Variants in RBM26 observed in about 807,000 individuals in gnomAD.
RBM26 encodes RNA binding motif protein 26, also known as RNA-binding protein 26.
In RBM26, 30 loss-of-function variants were observed where a neutral mutation model predicts 123.6. The observed-to-expected ratio is 0.24, with a 90% CI of 0.18 to 0.33. The LOEUF is 0.33. RBM26 is among the 10% of genes least tolerant of loss of function. The probability of loss-of-function intolerance (pLI) is 1.00; values close to 1 mark genes in which losing one functional copy is unlikely to be tolerated. For synonymous variants in RBM26, 400 were observed against 404.4 expected (o/e 0.99, Z 0.13); for missense variants, 947 against 1,203.6 (o/e 0.79, Z 3.15).
At position 79,365,642 on chromosome 13, in the gene RBM26, T is replaced by C. The variant is rs1233996662; in HGVS notation, c.1353A>G (p.Arg451=). ...TCAAGTTGGGCCTTTGTGCATGCAC[T>C]CTGTGTCTATACATAGGTCTGGAAG... ...TNTSRPMYRH[R]VHAQRPNLIG... is the part of the protein sequence containing the mutation. Residue 451 remains arginine, a synonymous_variant, in exon 9 of 22, where the codon AGA becomes AGG. Transcript: ENST00000438737. 1 of 1,613,852 alleles carries C rather than the reference T, an allele frequency of 6.2e-7. No homozygotes were observed. Among genetic ancestry groups the C allele is most frequent in the Admixed American group, 1.7e-5 (1 of 59,996 alleles).
At chr13:79,357,530 T>C (rs888413829) in intron 11 of RBM26, among the ~76,000 whole-genome samples, 1 of 152,150 alleles carries the variant, frequency 6.6e-6, no homozygotes, top group Non-Finnish European at 1.5e-5. Flanking sequence ...TTACTGTTAG[T>C]GTTACTTACC....
chr13:79,392,688 G>T (rs2140424790), intron 1 of RBM26, among the ~76,000 whole-genome samples: 1 of 150,190 alleles, frequency 6.7e-6, no homozygotes, highest in African/African-American at 2.4e-5. Context: ...CCTCGGGCTG[G>T]ATGTGGAACA....
intron 1 of RBM26, among the ~76,000 whole-genome samples, chr13:79,391,887 G>A (rs940152906): frequency 6.7e-6 from 1 of 149,982 alleles, no homozygotes; most frequent in Non-Finnish European, 1.5e-5. Flanking sequence ...AAACTAGGGA[G>A]TGTATGAACA....
At chr13:79,400,499 C>CCAACA (rs1352131992) in intron 1 of RBM26, among the ~76,000 whole-genome samples, 1 of 152,170 alleles carries the variant, frequency 6.6e-6, no homozygotes, top group Non-Finnish European at 1.5e-5. Context: ...GACCTAATCA[C>CCAACA]CTCTTAATAC....
chr13:79,356,225 C>T (rs1014432250), intron 11 of RBM26, among the ~76,000 whole-genome samples: 1 of 151,884 alleles, frequency 6.6e-6, no homozygotes, highest in Non-Finnish European at 1.5e-5. Context: ...AAATATTAGC[C>T]GGGTGTGGTG....
At chr13:79,354,383 G>T in intron 13 of RBM26, 56 bp downstream of exon 13, 1 of 1,354,172 alleles carries the variant, frequency 7.4e-7, no homozygotes, top group Non-Finnish European at 9.7e-7. Context: ...AATCACCAAG[G>T]GAAACTAAAT....
At position 79,344,660 on chromosome 13, in the gene RBM26, T is replaced by A; in HGVS notation, c.2184+9A>T. The A allele has an allele frequency of 6.2e-7, 1 of 1,608,584 alleles. No homozygotes were observed. The highest frequency in any genetic ancestry group is 8.5e-7 in the Non-Finnish European group (1 of 1,177,986). The stretch of plus-strand genomic sequence containing the variant: ...CAAAAATTTTTTATACTATACCAGT[T>A]GTACTTACCTGTTTTTTTTTCTGTG... On this transcript the variant is annotated intron_variant, in intron 15 of 21. Transcript: ENST00000438737.
rs754854282 is a variant in RBM26, at chr13:79,354,478, T to C, written c.1947A>G (p.Glu649=). 1.7e-4 allele frequency: 279 copies of C among 1,603,438 alleles called. 1 individual carries two copies. The highest frequency in any genetic ancestry group is 2.3e-4 in the Non-Finnish European group (268 of 1,172,960). The change falls in exon 13 of 22, where the codon GAA becomes GAG. Residue 649 remains glutamate, a synonymous_variant. Transcript: ENST00000438737. ...AAGAGGCACTCTGGGCTTCTGCAGG[T>C]TCAATAGTACTTGAAGGTACTGGAC... ...RLGPVPSSTI[E]PAEAQSASSD... is the part of the protein sequence containing the mutation.
chr13:79,378,128 C>T (rs894816449), intron 2 of RBM26, among the ~76,000 whole-genome samples: 1 of 152,132 alleles, frequency 6.6e-6, no homozygotes, highest in African/African-American at 2.4e-5. Context: ...GTTGCAAACA[C>T]AAACACTATC....
intron 21 of RBM26, 65 bp downstream of exon 21, chr13:79,322,284 A>C (rs750943480): frequency 9.4e-7 from 1 of 1,068,110 alleles, no homozygotes; most frequent in Non-Finnish European, 1.3e-6. Flanking sequence ...GGCCATAAAA[A>C]TCACATTTTA....
intron 1 of RBM26, among the ~76,000 whole-genome samples, chr13:79,401,025 T>C (rs535338116): frequency 1.4e-3 from 217 of 152,290 alleles, no homozygotes; most frequent in Non-Finnish European, 2.5e-3. Flanking sequence ...TTGCTGAGTT[T>C]TTCCTAAAGA....
intron 2 of RBM26, among the ~76,000 whole-genome samples, chr13:79,378,521 C>A (rs561330925): frequency 5.3e-5 from 8 of 152,282 alleles, no homozygotes; most frequent in African/African-American, 1.7e-4. Flanking sequence ...CTCACAGCAA[C>A]CTCTGCCTCC....
chr13:79,399,070 G>A (rs1225255895), intron 1 of RBM26, among the ~76,000 whole-genome samples: 1 of 152,182 alleles, frequency 6.6e-6, no homozygotes, highest in Non-Finnish European at 1.5e-5. Flanking sequence ...TAATGTACAA[G>A]TGATGAGTGT....
At chr13:79,351,350 T>C (rs1006059847) in intron 14 of RBM26, among the ~76,000 whole-genome samples, 29 of 152,208 alleles carry the variant, frequency 1.9e-4, no homozygotes, top group African/African-American at 6.8e-4. Context: ...TTTTGATACA[T>C]ATATACATTA....
intron 9 of RBM26, among the ~76,000 whole-genome samples, chr13:79,362,257 G>T (rs1171190040): frequency 6.6e-6 from 1 of 152,228 alleles, no homozygotes; most frequent in Non-Finnish European, 1.5e-5. Flanking sequence ...CAGGAAACGG[G>T]TGTCTAATTT....
At position 79,320,586 on chromosome 13, in the gene RBM26, G is replaced by T; in HGVS notation, c.*35C>A. On this transcript the variant is annotated 3_prime_UTR_variant, in exon 22 of 22. Coordinates refer to ENST00000438737, the MANE Select transcript of RBM26 (RefSeq NM_001366735.2). Reference sequence around the variant, plus strand: ...AGATAATACTAATGAAACACAGGTAGAGTTCTAGCATATGCAGATCAATGA... The same window carrying T: ...AGATAATACTAATGAAACACAGGTATAGTTCTAGCATATGCAGATCAATGA... 1 of 1,519,914 alleles carries T rather than the reference G, an allele frequency of 6.6e-7. No homozygotes were observed. Among genetic ancestry groups the T allele is most frequent in the South Asian group, 1.3e-5 (1 of 75,970 alleles). 94.2% of individuals were successfully genotyped at this position (1,519,914 alleles called of 1,614,324 possible). A position where few individuals can be genotyped will look rare whatever the true frequency, so the allele number is the denominator to read the frequency against.
Position 79,320,660 on chromosome 13 carries a change from T to A in RBM26, c.2985A>T (p.Glu995Asp), listed in dbSNP as rs146868835. ...VDDSLLQDDD[E>D]EEEDNESRSW... is the part of the protein sequence containing the mutation. ...AACGAGATTCATTGTCCTCTTCTTC[T>A]TCATCATCATCTTGAAGTAATGAGT... Residue 995 changes from glutamate (E) to aspartate (D), a missense_variant, in exon 22 of 22, where the codon GAA becomes GAT. This residue lies in a region of RBM26 where 164 missense variants were observed against 215.3 expected (regional missense o/e 0.76). Coordinates refer to ENST00000438737, the MANE Select transcript of RBM26 (RefSeq NM_001366735.2). 3 of 1,600,680 alleles carry A rather than the reference T, an allele frequency of 1.9e-6. No homozygotes were observed. Among genetic ancestry groups the A allele is most frequent in the Non-Finnish European group, 2.6e-6 (3 of 1,174,028 alleles).
At chr13:79,329,578 T>C (rs1379958283) in intron 20 of RBM26, among the ~76,000 whole-genome samples, 5 of 152,016 alleles carry the variant, frequency 3.3e-5, no homozygotes, top group African/African-American at 1.2e-4. Context: ...ACCACTAGGA[T>C]CCTGTCAAAA....
intron 1 of RBM26, among the ~76,000 whole-genome samples, chr13:79,391,691 TG>T (rs1243700199): frequency 2.6e-5 from 4 of 152,274 alleles, no homozygotes; most frequent in African/African-American, 9.6e-5. Flanking sequence ...CCCAAAGTGC[TG>T]GGATTACAGG....
Sources: allele counts gnomAD v4.1 joint callset (sites outside exome capture counted in the v4.1 genomes callset), GRCh38; gene constraint gnomAD v4.1.1; regional missense constraint gnomAD v4.1.1; transcripts MANE v1.5; gene names NCBI Gene and HGNC (gene_info 2026-07-23, HGNC 2026-07-21).